ZFHX3: variants seen among roughly 807,000 people sequenced by gnomAD.
The protein encoded by ZFHX3 is zinc finger homeobox 3.
Under a neutral mutation model 279.1 loss-of-function variants are expected in ZFHX3, and 42 were observed. The ratio of observed to expected loss-of-function variants is 0.15; its 90% confidence interval spans 0.12 to 0.19. The LOEUF (loss-of-function observed/expected upper bound fraction) is 0.19. ZFHX3 is among the 10% of genes least tolerant of loss of function. The pLI, the probability that ZFHX3 is intolerant of heterozygous loss-of-function variation, is 1.00. For synonymous variants in ZFHX3, 2,293 were observed against 1,957.8 expected, an observed-to-expected ratio of 1.17 and a Z score of -4.52; for missense variants, 4,981 against 4,754.0, an observed-to-expected ratio of 1.05 and a Z score of -1.40.
chr16:73,106,473 G>A (rs1391904130), intron 7 of ZFHX3, among the ~76,000 whole-genome samples: 1 of 151,988 alleles, frequency 6.6e-6, no homozygotes, highest in African/African-American at 2.4e-5. Context: ...CTCTTAAAAG[G>A]CTACAAAGGG....
intron 2 of ZFHX3, among the ~76,000 whole-genome samples, chr16:73,518,338 C>T (rs780417041): frequency 6.6e-6 from 1 of 152,222 alleles, no homozygotes; most frequent in Non-Finnish European, 1.5e-5. Context: ...TGAATAAGGA[C>T]ATATACAACT....
intron 5 of ZFHX3, among the ~76,000 whole-genome samples, chr16:73,255,794 A>G (rs2013646587): frequency 6.6e-6 from 1 of 152,136 alleles, no homozygotes; most frequent in African/African-American, 2.4e-5. Context: ...ATGCCACATA[A>G]TCCTGTACTG....
intron 1 of ZFHX3, among the ~76,000 whole-genome samples, chr16:73,057,730 T>G (rs1422163512): frequency 6.6e-6 from 1 of 151,236 alleles, no homozygotes; most frequent in Non-Finnish European, 1.5e-5. Context: ...GCGCTGCCAG[T>G]GGGGCAGGGC....
rs565664402 is a variant in ZFHX3 at position 72,874,198 on chromosome 16, A to ATTTTTTTTTTTTTT, written c.3448+15519_3448+15532dup. Among the ~76,000 whole-genome samples the ATTTTTTTTTTTTTT allele has an allele frequency of 1.6e-4, 15 of 95,160 alleles. 3 individuals are homozygous for ATTTTTTTTTTTTTT. Among genetic ancestry groups the ATTTTTTTTTTTTTT allele is most frequent in the African/African-American group, 7.1e-4 (15 of 21,216 alleles). 62.4% of individuals were successfully genotyped at this position (95,160 alleles called of 152,430 possible). On this transcript the variant is annotated intron_variant, in intron 4 of 9. Coordinates refer to ENST00000268489, the MANE Select transcript of ZFHX3 (RefSeq NM_006885.4). Reference sequence around the variant, plus strand: ...TGGAGCTCAGATGGAGGATTTTTTGATTTTTTTTTTTTTTTTTTTTTTTTT... The same window carrying ATTTTTTTTTTTTTT: ...TGGAGCTCAGATGGAGGATTTTTTGATTTTTTTTTTTTTTTTTTTTTTTTTTTTTTTTTTTTTTT...
chr16:72,827,775 C>T (rs1469028489), intron 5 of ZFHX3, among the ~76,000 whole-genome samples: 1 of 152,168 alleles, frequency 6.6e-6, no homozygotes, highest in Non-Finnish European at 1.5e-5. Flanking sequence ...GTGTTTGACC[C>T]TCATTGTTTT....
At chr16:73,157,036 T>C (rs1369609149) in intron 5 of ZFHX3, among the ~76,000 whole-genome samples, 2 of 152,140 alleles carry the variant, frequency 1.3e-5, no homozygotes, top group Non-Finnish European at 2.9e-5. Flanking sequence ...TTAATTTTTT[T>C]GTAGAGACGA....
At chr16:73,878,618 C>G (rs951388591) in intron 1 of ZFHX3, among the ~76,000 whole-genome samples, 7 of 152,050 alleles carry the variant, frequency 4.6e-5, no homozygotes, top group Admixed American at 2.0e-4. Context: ...AAATTATCTA[C>G]TGTTTCTTTT....
chr16:72,967,707 G>T (rs1367384327), intron 1 of ZFHX3, among the ~76,000 whole-genome samples: 1 of 150,648 alleles, frequency 6.6e-6, no homozygotes, highest in Non-Finnish European at 1.5e-5. Flanking sequence ...ACGAGGCCAG[G>T]TAATCGAGAC....
At position 72,787,263 on chromosome 16, in the gene ZFHX3, C is replaced by G. The variant is rs2035429963; in HGVS notation, c.11013G>C (p.Lys3671Asn). ...SEESDTDLSQ[K>N]SDGPASPVEG... ...CCACCGGGCTCGCCGGTCCGTCGGA[C>G]TTTTGGCTGAGATCCGTGTCAGACT... The change falls in exon 10 of 10, where the codon AAG becomes AAC. Residue 3671 changes from lysine to asparagine, a missense_variant. Physicochemically the swap from Lys to Asn is moderately conservative, Grantham distance 94. Transcript: ENST00000268489. 3 of 1,614,088 alleles carry G rather than the reference C, an allele frequency of 1.9e-6. No homozygotes were observed.
intron 5 of ZFHX3, among the ~76,000 whole-genome samples, chr16:73,160,333 C>A (rs1276739416): frequency 6.6e-6 from 1 of 152,172 alleles, no homozygotes; most frequent in Admixed American, 6.5e-5. Flanking sequence ...CCAAAAAAAG[C>A]CAAGGACCTT....
intron 3 of ZFHX3, among the ~76,000 whole-genome samples, chr16:73,439,948 AAGG>A (rs2018061029): frequency 6.7e-6 from 1 of 149,496 alleles, no homozygotes; most frequent in Non-Finnish European, 1.5e-5. Flanking sequence ...AAAAAAAAAC[AAGG>A]AGAAGGGCCA....
intron 1 of ZFHX3, among the ~76,000 whole-genome samples, chr16:72,989,906 T>C (rs1322192854): frequency 6.6e-6 from 1 of 152,216 alleles, no homozygotes; most frequent in Non-Finnish European, 1.5e-5. Context: ...TTTTGTCAAG[T>C]ATGTTTCATG....
At chr16:73,766,640 T>C (rs1185206813) in intron 1 of ZFHX3, among the ~76,000 whole-genome samples, 1 of 152,122 alleles carries the variant, frequency 6.6e-6, no homozygotes, top group Admixed American at 6.6e-5. Context: ...TGATGCGGGA[T>C]GTTGGACTAA....
At chr16:73,834,508 G>C (rs1026908723) in intron 1 of ZFHX3, among the ~76,000 whole-genome samples, 2 of 152,186 alleles carry the variant, frequency 1.3e-5, no homozygotes, top group South Asian at 4.1e-4. Context: ...CAGATTTACT[G>C]ATCAGTTAAA....
At chr16:73,714,166 C>T (rs2053392003) in intron 1 of ZFHX3, among the ~76,000 whole-genome samples, 1 of 152,118 alleles carries the variant, frequency 6.6e-6, no homozygotes, top group African/African-American at 2.4e-5. Flanking sequence ...TGACCCACAT[C>T]AGTAGGTTTT....
intron 2 of ZFHX3, among the ~76,000 whole-genome samples, chr16:73,602,844 G>A (rs959923436): frequency 7.2e-6 from 1 of 138,812 alleles, no homozygotes; most frequent in African/African-American, 3.3e-5. Context: ...GTATTCGGGA[G>A]GCTGAAGCAG....
chr16:72,798,883 T>A (rs2036007260), intron 8 of ZFHX3, among the ~76,000 whole-genome samples, 169 bp from the exon 9 acceptor site: 1 of 152,226 alleles, frequency 6.6e-6, no homozygotes, highest in South Asian at 2.1e-4. Flanking sequence ...TGCTTTCTTT[T>A]GTTCCTCCAA....
At chr16:73,490,240 T>A (rs2019036900) in intron 2 of ZFHX3, among the ~76,000 whole-genome samples, 1 of 152,198 alleles carries the variant, frequency 6.6e-6, no homozygotes, top group Non-Finnish European at 1.5e-5. Flanking sequence ...TACTGAGACA[T>A]CCAGTTCAAG....
chr16:73,697,994 T>A (rs144606789), intron 1 of ZFHX3, among the ~76,000 whole-genome samples: 2 of 152,092 alleles, frequency 1.3e-5, no homozygotes, highest in South Asian at 4.2e-4. Flanking sequence ...AAGGTGAGTG[T>A]GGGGTATCTT....
Sources: gnomAD v4.1 joint callset for allele counts (sites outside exome capture counted in the v4.1 genomes callset) on GRCh38, gnomAD v4.1.1 for gene constraint, MANE v1.5 for transcripts, NCBI Gene and HGNC (gene_info 2026-07-23, HGNC 2026-07-21) for gene names.